The following SYNPR variants were observed in gnomAD, a reference collection of about 807,000 sequenced individuals.
SYNPR encodes synaptoporin.
SYNPR carries 23 observed loss-of-function variants against 32.9 expected under a neutral mutation model. The ratio of observed to expected loss-of-function variants is 0.70; its 90% CI spans 0.50 to 0.99. The LOEUF is 0.99. Among genes scored for constraint, SYNPR ranks in the 50% least tolerant of loss-of-function variants. SYNPR has a pLI of 0.00. For missense variants in SYNPR, 318 were observed against 349.3 expected (o/e 0.91, Z 0.71); for synonymous variants, 146 against 135.9 (o/e 1.07, Z -0.52).
rs549248519 is a variant in SYNPR at position 63,320,084 on chromosome 3, G to A, written c.84+41342G>A. ...CCTGCCTCAGCCTCCAGAGTAGGTG[G>A]GACTATAGATGTGCAGCACCATACC... On this transcript the variant is annotated intron_variant, in intron 2 of 5. Coordinates refer to ENST00000478300, the MANE Select transcript of SYNPR (RefSeq NM_001130003.2). Among the ~76,000 whole-genome samples the A allele has an allele frequency of 4.6e-5, 7 of 152,010 alleles. No homozygotes were observed. The East Asian group carries it at 1.2e-3, about 25-fold the overall frequency.
intron 3 of SYNPR, among the ~76,000 whole-genome samples, chr3:63,548,572 A>G (rs1702451764): frequency 6.6e-6 from 1 of 152,218 alleles, no homozygotes; most frequent in Non-Finnish European, 1.5e-5. Flanking sequence ...GCAATCTAAA[A>G]GCAGATAAGT....
At chr3:63,455,044 T>C (rs557046058) in intron 2 of SYNPR, among the ~76,000 whole-genome samples, 1 of 152,128 alleles carries the variant, frequency 6.6e-6, no homozygotes, top group Admixed American at 6.6e-5. Context: ...AGATCTTTTT[T>C]AATACTTTCT....
intron 2 of SYNPR, among the ~76,000 whole-genome samples, chr3:63,260,350 A>G (rs1242159214): frequency 1.3e-5 from 2 of 152,216 alleles, no homozygotes; most frequent in African/African-American, 2.4e-5. Flanking sequence ...CCAAAACAGC[A>G]TGGTACTGGT....
chr3:63,589,230 T>C (rs1281342571), intron 4 of SYNPR, among the ~76,000 whole-genome samples: 1 of 152,114 alleles, frequency 6.6e-6, no homozygotes, highest in Non-Finnish European at 1.5e-5. Flanking sequence ...CTGTGTCACT[T>C]TCTGTCTCCC....
At chr3:63,458,771 G>T (rs1167624257) in intron 2 of SYNPR, among the ~76,000 whole-genome samples, 1 of 152,038 alleles carries the variant, frequency 6.6e-6, no homozygotes, top group Non-Finnish European at 1.5e-5. Flanking sequence ...CTTACTGCCA[G>T]AGCACACTCA....
chr3:63,254,329 AC>A (rs1163066933), intron 2 of SYNPR, among the ~76,000 whole-genome samples: 1 of 152,210 alleles, frequency 6.6e-6, no homozygotes, highest in Non-Finnish European at 1.5e-5. Flanking sequence ...AATTAAAAAA[AC>A]ATTTTAAAGC....
chr3:63,270,808 A>T (rs1037161013), intron 3 of SYNPR, among the ~76,000 whole-genome samples: 23 of 152,096 alleles, frequency 1.5e-4, no homozygotes, highest in African/African-American at 5.3e-4. Context: ...TTACAATGAG[A>T]CTGTTGATAA....
chr3:63,547,545 T>G (rs908367367), intron 3 of SYNPR, among the ~76,000 whole-genome samples: 1 of 152,094 alleles, frequency 6.6e-6, no homozygotes, highest in Non-Finnish European at 1.5e-5. Flanking sequence ...AGGCCCAGTT[T>G]GGAATCACCC....
At chr3:63,233,593 T>C (rs973743262) in intron 1 of SYNPR, among the ~76,000 whole-genome samples, 1 of 152,230 alleles carries the variant, frequency 6.6e-6, no homozygotes, top group African/African-American at 2.4e-5. Context: ...GAGGCTCTTT[T>C]ACTCTGCATG....
chr3:63,413,485 T>C (rs2088497063), intron 2 of SYNPR, among the ~76,000 whole-genome samples: 1 of 152,162 alleles, frequency 6.6e-6, no homozygotes, highest in African/African-American at 2.4e-5. Context: ...TTGATCCACA[T>C]AAAAAGCGAG....
At chr3:63,386,693 A>T (rs566250731) in intron 2 of SYNPR, among the ~76,000 whole-genome samples, 1 of 151,532 alleles carries the variant, frequency 6.6e-6, no homozygotes, top group South Asian at 2.1e-4. Context: ...GATGAGCCTC[A>T]GTTCTGGGTG....
At chr3:63,580,304 A>C (rs1703067762) in intron 4 of SYNPR, among the ~76,000 whole-genome samples, 1 of 152,214 alleles carries the variant, frequency 6.6e-6, no homozygotes, top group African/African-American at 2.4e-5. Context: ...AATGCACAGA[A>C]TTAAGTGCCC....
chr3:63,293,443 C>G (rs1028222888), intron 2 of SYNPR, among the ~76,000 whole-genome samples: 1 of 152,020 alleles, frequency 6.6e-6, no homozygotes, highest in African/African-American at 2.4e-5. Flanking sequence ...GAGAGATAAC[C>G]TTAATACTTT....
the SYNPR span, among the ~76,000 whole-genome samples, chr3:63,206,224 A>C: frequency 6.6e-6 from 1 of 152,212 alleles, no homozygotes; most frequent in East Asian, 1.9e-4. Context: ...CCTAAAATTT[A>C]AGAACCACTT....
Position 63,333,815 on chromosome 3 carries a change from C to A in SYNPR, c.84+55073C>A, listed in dbSNP as rs996943891. ...AATCTGCAACCAAATTTTTTCCTTT[C>A]CATCTAATTTATTTTTTATCCATTT... On this transcript the variant is annotated intron_variant, in intron 2 of 5. Transcript: ENST00000478300. 2.0e-5 allele frequency among the ~76,000 whole-genome samples: 3 copies of A among 152,252 alleles called. No individual in the cohort carries two copies. In the South Asian group the frequency reaches 6.2e-4, roughly 32 times the overall value.
At chr3:63,381,350 T>A (rs935292381) in intron 2 of SYNPR, among the ~76,000 whole-genome samples, 1 of 152,158 alleles carries the variant, frequency 6.6e-6, no homozygotes, top group African/African-American at 2.4e-5. Flanking sequence ...TTACAAGGGA[T>A]GTGAAGGACC....
At chr3:63,264,270 A>G (rs1301853971) in intron 2 of SYNPR, among the ~76,000 whole-genome samples, 1 of 152,218 alleles carries the variant, frequency 6.6e-6, no homozygotes, top group Non-Finnish European at 1.5e-5. Flanking sequence ...GTAGATTAAA[A>G]AAAGTGAAGA....
chr3:63,246,107 C>T (rs1040915506), intron 1 of SYNPR, among the ~76,000 whole-genome samples: 1 of 152,006 alleles, frequency 6.6e-6, no homozygotes, highest in Non-Finnish European at 1.5e-5. Context: ...AGAAGGAACA[C>T]AAGGGCAGAC....
chr3:63,541,975 T>C (rs998525121), intron 3 of SYNPR, among the ~76,000 whole-genome samples: 2 of 152,020 alleles, frequency 1.3e-5, no homozygotes, highest in Admixed American at 6.6e-5. Context: ...GAGGTGCCAG[T>C]GGGTATTTCC....
Sources: allele counts gnomAD v4.1 joint callset (sites outside exome capture counted in the v4.1 genomes callset), GRCh38; gene constraint gnomAD v4.1.1; transcripts MANE v1.5; gene names NCBI Gene and HGNC (gene_info 2026-07-23, HGNC 2026-07-21).